Variants in ITFG1 observed in about 807,000 individuals in gnomAD.
ITFG1 encodes integrin alpha FG-GAP repeat containing 1.
A neutral mutation model predicts 81.8 loss-of-function variants in ITFG1; 34 were observed. That is an observed-to-expected ratio of 0.42 (90% CI 0.32 to 0.55). ITFG1 has a LOEUF of 0.55. Among genes scored for constraint, ITFG1 ranks in the 20% least tolerant of loss-of-function variants. ITFG1 has a pLI of 0.17. For synonymous variants in ITFG1, 285 were observed against 270.6 expected (o/e 1.05, Z -0.52); for missense variants, 672 against 755.4 (o/e 0.89, Z 1.29).
At chr16:47,251,297 C>T (rs1172774452) in intron 12 of ITFG1, among the ~76,000 whole-genome samples, 1 of 152,224 alleles carries the variant, frequency 6.6e-6, no homozygotes, top group Non-Finnish European at 1.5e-5. Context: ...CTTCAGCTCT[C>T]CTGTCTGAGA....
At chr16:47,313,966 G>A in intron 8 of ITFG1, 143 bp from the exon 9 acceptor site, 1 of 504,166 alleles carries the variant, frequency 2.0e-6, no homozygotes, top group Non-Finnish European at 3.5e-6. Flanking sequence ...AAATGAATAT[G>A]ATTTTATTTA....
intron 14 of ITFG1, among the ~76,000 whole-genome samples, chr16:47,195,735 G>A (rs563712293): frequency 2.0e-5 from 3 of 151,798 alleles, no homozygotes; most frequent in South Asian, 4.2e-4. Context: ...TGTTGTTGTT[G>A]TTGTTTTAAT....
At chr16:47,233,473 C>T (rs971637441) in intron 13 of ITFG1, among the ~76,000 whole-genome samples, 2 of 152,190 alleles carry the variant, frequency 1.3e-5, no homozygotes, top group Admixed American at 6.5e-5. Flanking sequence ...GTTTTACCTC[C>T]AGGAATTCCA....
intron 14 of ITFG1, among the ~76,000 whole-genome samples, chr16:47,216,565 G>GA (rs956442736): frequency 3.3e-5 from 5 of 152,158 alleles, no homozygotes; most frequent in Non-Finnish European, 7.4e-5. Flanking sequence ...GTACAAAGTG[G>GA]AAAGTGAATC....
chr16:47,219,659 C>T (rs1363682476), intron 13 of ITFG1, among the ~76,000 whole-genome samples: 1 of 152,144 alleles, frequency 6.6e-6, no homozygotes, highest in Non-Finnish European at 1.5e-5. Context: ...TTCTCAGCCT[C>T]AAAATTCTAC....
chr16:47,257,940 T>C (rs1369719778), intron 12 of ITFG1, among the ~76,000 whole-genome samples: 1 of 152,208 alleles, frequency 6.6e-6, no homozygotes, highest in Non-Finnish European at 1.5e-5. Flanking sequence ...TTGATGGAAA[T>C]AGAGAATCAT....
chr16:47,184,512 C>A (rs1965182845), intron 14 of ITFG1, among the ~76,000 whole-genome samples: 1 of 152,100 alleles, frequency 6.6e-6, no homozygotes, highest in Admixed American at 6.5e-5. Context: ...CCCAGAATTT[C>A]ATATCCAGCC....
At chr16:47,375,339 C>A (rs984670283) in intron 7 of ITFG1, among the ~76,000 whole-genome samples, 3 of 151,722 alleles carry the variant, frequency 2.0e-5, no homozygotes, top group Non-Finnish European at 4.4e-5. Context: ...ATTAATCCAT[C>A]ATATAACTCA....
At chr16:47,247,632 T>C (rs903420752) in intron 12 of ITFG1, among the ~76,000 whole-genome samples, 2 of 152,144 alleles carry the variant, frequency 1.3e-5, no homozygotes, top group African/African-American at 4.8e-5. Flanking sequence ...CTCTCTCTCT[T>C]TTATGGTTTT....
intron 5 of ITFG1, among the ~76,000 whole-genome samples, chr16:47,445,554 A>G (rs1373207266): frequency 6.6e-6 from 1 of 152,174 alleles, no homozygotes; most frequent in African/African-American, 2.4e-5. Context: ...GTTTTCAAAG[A>G]TGGTCACATT....
chr16:47,258,764 G>T (rs755920371), intron 11 of ITFG1, 24 bp from the exon 12 acceptor site: 2 of 1,150,066 alleles, frequency 1.7e-6, no homozygotes, highest in African/African-American at 1.6e-5. Flanking sequence ...AACAAAAATG[G>T]TAAGAACAAA....
intron 10 of ITFG1, among the ~76,000 whole-genome samples, chr16:47,275,191 ACT>A (rs1284681693): frequency 6.6e-6 from 1 of 151,674 alleles, no homozygotes; most frequent in Non-Finnish European, 1.5e-5. Flanking sequence ...CTGTTATTCT[ACT>A]CTGTTTAGCT....
intron 14 of ITFG1, among the ~76,000 whole-genome samples, chr16:47,167,884 G>A (rs1259179962): frequency 6.6e-6 from 1 of 152,104 alleles, no homozygotes; most frequent in African/African-American, 2.4e-5. Context: ...GGCTATTATT[G>A]CTGCTATGAA....
chr16:47,443,765 G>T (rs1456923065), intron 5 of ITFG1, among the ~76,000 whole-genome samples: 1 of 152,088 alleles, frequency 6.6e-6, no homozygotes, highest in African/African-American at 2.4e-5. Context: ...GCGGGATGGG[G>T]GAGCGATAGC....
chr16:47,380,745 G>A (rs1163988875), intron 6 of ITFG1, among the ~76,000 whole-genome samples: 1 of 152,058 alleles, frequency 6.6e-6, no homozygotes, highest in African/African-American at 2.4e-5. Context: ...TATATATTTT[G>A]GATATGGGTT....
At chr16:47,376,285 T>G (rs1333588971) in intron 6 of ITFG1, among the ~76,000 whole-genome samples, 1 of 152,218 alleles carries the variant, frequency 6.6e-6, no homozygotes, top group Non-Finnish European at 1.5e-5. Context: ...CAATCACATT[T>G]GCTTTCTCAC....
chr16:47,155,531 T>A lies in ITFG1; in HGVS notation c.*188A>T. 1 of 453,438 alleles carries A rather than the reference T, an allele frequency of 2.2e-6. No individual in the cohort carries two copies. Among genetic ancestry groups the A allele is most frequent in the Non-Finnish European group, 3.9e-6 (1 of 259,226 alleles). 28.1% of individuals were successfully genotyped at this position (453,438 alleles called of 1,614,324 possible). ...AGAATAGAGAACCCAAATTTTTATA[T>A]ACAAAGTGCTTTAAAAAAAAAGACC... On this transcript the variant is annotated 3_prime_UTR_variant, in exon 18 of 18. Transcript: ENST00000320640.
At chr16:47,186,580 T>C (rs1055270635) in intron 14 of ITFG1, among the ~76,000 whole-genome samples, 1 of 152,176 alleles carries the variant, frequency 6.6e-6, no homozygotes, top group Non-Finnish European at 1.5e-5. Flanking sequence ...CTAAAAACTC[T>C]CAACAAATTA....
intron 10 of ITFG1, among the ~76,000 whole-genome samples, chr16:47,288,758 C>T (rs1439379753): frequency 4.6e-5 from 7 of 152,074 alleles, no homozygotes; most frequent in Admixed American, 2.6e-4. Context: ...AACTAGCCAG[C>T]GTGGTGGTGC....
Sources: gnomAD v4.1 joint callset for allele counts (sites outside exome capture counted in the v4.1 genomes callset) on GRCh38, gnomAD v4.1.1 for gene constraint, MANE v1.5 for transcripts, NCBI Gene and HGNC (gene_info 2026-07-23, HGNC 2026-07-21) for gene names.